Variants in CDH23 observed in about 807,000 individuals in gnomAD.
CDH23 encodes the protein cadherin-23.
A neutral mutation model predicts 317.1 loss-of-function variants in CDH23; 189 were observed. That is an observed-to-expected ratio of 0.60 (90% CI 0.53 to 0.67). The LOEUF is 0.67. Among genes scored for constraint, CDH23 ranks in the 30% least tolerant of loss-of-function variants. The pLI is 0.00. For missense variants in CDH23, 4,401 were observed against 4,592.4 expected (o/e 0.96, Z 1.20); for synonymous variants, 1,839 against 1,876.8 (o/e 0.98, Z 0.52).
intron 9 of CDH23, 128 bp downstream of exon 9, chr10:71,578,120 GAC>G (rs1344054944): frequency 1.2e-6 from 1 of 862,878 alleles, no homozygotes; most frequent in African/African-American, 1.7e-5. Context: ...TAGGAGACCT[GAC>G]TACAGGGACA....
Position 71,761,000 on chromosome 10 carries a change from C to T in CDH23, c.4846-16680C>T. ...CAGGGAGGCTTGTCCAGGCCAGTGT[C>T]CCCCTCCTGCCCCAGGTTCTCACGC... On this transcript the variant is annotated intron_variant, in intron 38 of 69. Coordinates refer to ENST00000224721, the MANE Select transcript of CDH23 (RefSeq NM_022124.6). The T allele has an allele frequency of 8.4e-6, 12 of 1,428,880 alleles. No individual in the cohort carries two copies. In the South Asian group the frequency reaches 9.2e-5, roughly 11 times the overall value. The allele number at this position is 1,428,880 out of a possible 1,614,324, so 88.5% of individuals were successfully genotyped here. A position where few individuals can be genotyped will look rare whatever the true frequency, so the allele number is the denominator to read the frequency against.
chr10:71,677,402 A>G, intron 15 of CDH23, 54 bp from the exon 16 acceptor site: 1 of 1,431,198 alleles, frequency 7.0e-7, no homozygotes, highest in Admixed American at 2.0e-5. Context: ...CCCCATCAAC[A>G]AGCCTGTTTT....
chr10:71,499,755 C>T (rs186426158), intron 3 of CDH23, among the ~76,000 whole-genome samples: 1 of 152,286 alleles, frequency 6.6e-6, no homozygotes, highest in Admixed American at 6.5e-5. Flanking sequence ...AGGAGAATCG[C>T]TTGACCCCAC....
chr10:71,799,804 G>T (rs1841508148), intron 52 of CDH23, among the ~76,000 whole-genome samples, 175 bp downstream of exon 52: 1 of 152,326 alleles, frequency 6.6e-6, no homozygotes, highest in East Asian at 1.9e-4. Flanking sequence ...CCAGACATTT[G>T]GTAGACTGTG....
rs1202209628 is a variant in CDH23 at position 71,532,720 on chromosome 10, T to G, written c.429+21508T>G. Among the ~76,000 whole-genome samples, 159 of 40,644 alleles carry G rather than the reference T, an allele frequency of 3.9e-3. 1 individual carries two copies. Among genetic ancestry groups the G allele is most frequent in the Admixed American group, 8.5e-3 (39 of 4,580 alleles). The allele number at this position is 40,644 out of a possible 152,430, so 26.7% of individuals were successfully genotyped here. A position where few individuals can be genotyped will look rare whatever the true frequency, so the allele number is the denominator to read the frequency against. ...GTTTTCTTTTGTTTTTGTTTTTTTTTTTTTTTGTTTTTTTTTTTTTTTTTT... is the reference window on the plus strand; with the variant it reads ...GTTTTCTTTTGTTTTTGTTTTTTTTGTTTTTTGTTTTTTTTTTTTTTTTTT... On this transcript the variant is annotated intron_variant, in intron 6 of 69. Transcript: ENST00000224721.
At chr10:71,787,475 A>T (rs1589421213) in intron 44 of CDH23, among the ~76,000 whole-genome samples, 1 of 152,204 alleles carries the variant, frequency 6.6e-6, no homozygotes, top group Non-Finnish European at 1.5e-5. Flanking sequence ...CTGTGAACTC[A>T]CTGCCACTCA....
At chr10:71,583,578 T>C (rs1397945185) in intron 9 of CDH23, among the ~76,000 whole-genome samples, 1 of 151,854 alleles carries the variant, frequency 6.6e-6, no homozygotes, top group Non-Finnish European at 1.5e-5. Context: ...TTAGAGGAGG[T>C]GCTGATAGGA....
intron 19 of CDH23, 76 bp downstream of exon 19, chr10:71,687,795 C>A: frequency 7.4e-7 from 1 of 1,351,716 alleles, no homozygotes. Flanking sequence ...GATGTGCAGA[C>A]CCCGGCTCTG....
intron 38 of CDH23, among the ~76,000 whole-genome samples, chr10:71,756,331 C>T (rs1291482487): frequency 6.6e-6 from 1 of 152,190 alleles, no homozygotes; most frequent in Non-Finnish European, 1.5e-5. Flanking sequence ...ACAGCTTGGA[C>T]ATCTCTCTGT....
chr10:71,510,981 T>C lies in CDH23; in HGVS notation c.316T>C (p.Ser106Pro). The change falls in exon 5 of 70, where the codon TCT (serine) becomes CCT (proline). Residue 106 changes from serine to proline, a missense_variant. Ser to Pro is a moderately conservative substitution (Grantham distance 74, BLOSUM62 -1). Around this residue, in one of 3 missense-constraint regions of CDH23, gnomAD observed 3,068 missense variants for 3,203.3 expected, o/e 0.96. Coordinates refer to ENST00000224721, the MANE Select transcript of CDH23 (RefSeq NM_022124.6). ...CAAGTCAGAGTTCACCGTGGAGTTCTCTGTCAGCGACCACCAGGGGGTGAG... is the reference window on the plus strand; with the variant it reads ...CAAGTCAGAGTTCACCGTGGAGTTCCCTGTCAGCGACCACCAGGGGGTGAG... Reference protein sequence around the residue: ...ETKSEFTVEFSVSDHQGVITR... With the variant: ...ETKSEFTVEFPVSDHQGVITR... The C allele has an allele frequency of 6.2e-7, 1 of 1,613,964 alleles. No individual in the cohort carries two copies. The highest frequency in any genetic ancestry group is 8.5e-7 in the Non-Finnish European group (1 of 1,179,862).
chr10:71,653,000 G>T (rs4747180), intron 14 of CDH23, among the ~76,000 whole-genome samples: 1 of 151,860 alleles, frequency 6.6e-6, no homozygotes, highest in Non-Finnish European at 1.5e-5. Context: ...ACCCTGCAAG[G>T]GTCCCCACCC....
chr10:71,677,798 C>T, intron 16 of CDH23, 105 bp downstream of exon 16: 1 of 946,506 alleles, frequency 1.1e-6, no homozygotes, highest in East Asian at 2.6e-5. Context: ...ACAGGTCTCA[C>T]TCTTTCACCC....
chr10:71,781,817 C>G (rs1317684020), intron 41 of CDH23, among the ~76,000 whole-genome samples: 1 of 152,188 alleles, frequency 6.6e-6, no homozygotes, highest in East Asian at 1.9e-4. Flanking sequence ...TTTGGGGTCT[C>G]TGAGCGCCAC....
chr10:71,683,416 C>CA (rs1447341869), intron 18 of CDH23, among the ~76,000 whole-genome samples: 1 of 152,222 alleles, frequency 6.6e-6, no homozygotes, highest in Non-Finnish European at 1.5e-5. Context: ...GCCTTCCTGT[C>CA]ACAGCCAGCT....
At chr10:71,414,047 T>TG (rs1848438580) in intron 1 of CDH23, among the ~76,000 whole-genome samples, 45 of 142,902 alleles carry the variant, frequency 3.1e-4, no homozygotes, top group Admixed American at 2.8e-3. Flanking sequence ...CTCCTGGGTT[T>TG]TGTGTGTGTG....
chr10:71,810,970 C>T (rs912070549), intron 62 of CDH23, among the ~76,000 whole-genome samples: 5 of 150,990 alleles, frequency 3.3e-5, no homozygotes, highest in African/African-American at 1.2e-4. Context: ...ATCCCAGCTA[C>T]TCAGGAGGCT....
chr10:71,533,784 G>T (rs947181517), intron 6 of CDH23, among the ~76,000 whole-genome samples: 1 of 152,046 alleles, frequency 6.6e-6, no homozygotes, highest in Non-Finnish European at 1.5e-5. Flanking sequence ...CTGCAGAGAC[G>T]GTAGATGGGG....
At chr10:71,567,921 C>T (rs1033084495) in intron 7 of CDH23, among the ~76,000 whole-genome samples, 13 of 152,248 alleles carry the variant, frequency 8.5e-5, no homozygotes, top group African/African-American at 3.1e-4. Flanking sequence ...GCCTGACACT[C>T]AGCATCCACT....
At chr10:71,638,602 C>A (rs1314983186) in intron 11 of CDH23, among the ~76,000 whole-genome samples, 2 of 152,236 alleles carry the variant, frequency 1.3e-5, no homozygotes, top group Non-Finnish European at 2.9e-5. Context: ...CTGAAATCCA[C>A]CCCTCTGAGG....
Sources: allele counts gnomAD v4.1 joint callset (sites outside exome capture counted in the v4.1 genomes callset), GRCh38; gene constraint gnomAD v4.1.1; regional missense constraint gnomAD v4.1.1; transcripts MANE v1.5; gene names NCBI Gene and HGNC (gene_info 2026-07-23, HGNC 2026-07-21).